CPPED1: variants seen among roughly 807,000 people sequenced by gnomAD.
CPPED1 encodes the protein serine/threonine-protein phosphatase CPPED1.
Under a neutral mutation model 28.0 loss-of-function variants are expected in CPPED1, and 28 were observed. That is an observed-to-expected ratio of 1.00 (90% CI 0.74 to 1.37). CPPED1 has a LOEUF of 1.37. CPPED1 is among the 40% of genes most tolerant of loss of function. The probability of loss-of-function intolerance (pLI) is 0.00; values close to 1 mark genes in which losing one functional copy is unlikely to be tolerated. For synonymous variants in CPPED1, 198 were observed against 180.2 expected (o/e 1.10, Z -0.79); for missense variants, 504 against 416.5 (o/e 1.21, Z -1.83).
In CPPED1 at chr16:12,664,895, C is replaced by G. The variant is rs776101804; in HGVS notation, c.936G>C (p.Lys312Asn). The G allele has an allele frequency of 2.5e-6, 4 of 1,604,728 alleles. No homozygotes were observed. Among genetic ancestry groups the G allele is most frequent in the Non-Finnish European group, 3.4e-6 (4 of 1,176,970 alleles). ...GIEDDLMDLIKKK is the reference protein window; with the variant it reads ...GIEDDLMDLINKK ...GGAACGGGAAGGAGCGTCATTTTTT[C>G]TTGATCAAATCCATGAGATCGTCTT... The change falls in exon 4 of 4, where the codon AAG (lysine) becomes AAC (asparagine). Residue 312 changes from lysine (K) to asparagine (N), a missense_variant. Lys to Asn is a moderately conservative substitution (Grantham distance 94, BLOSUM62 0). Coordinates refer to ENST00000381774, the MANE Select transcript of CPPED1 (RefSeq NM_018340.3). This position sits in a 1 kb window ranked among gnomAD's most constrained non-coding sequence, Gnocchi z 4.2.
chr16:12,666,091 G>C (rs1442038137), intron 3 of CPPED1, among the ~76,000 whole-genome samples: 2 of 152,066 alleles, frequency 1.3e-5, no homozygotes, highest in South Asian at 2.1e-4. Flanking sequence ...ACTCCAGCCT[G>C]GGCGACAAGA....
At chr16:12,794,202 T>C (rs980448953) in intron 1 of CPPED1, among the ~76,000 whole-genome samples, 2 of 134,192 alleles carry the variant, frequency 1.5e-5, no homozygotes, top group African/African-American at 7.5e-5. Context: ...TTGGGGGTCT[T>C]TGGGGGCAGT....
At chr16:12,681,767 A>AG (rs557027102) in intron 3 of CPPED1, among the ~76,000 whole-genome samples, 1 of 152,196 alleles carries the variant, frequency 6.6e-6, no homozygotes, top group East Asian at 1.9e-4. Flanking sequence ...GAGGCAGCTG[A>AG]GGGGGGCCCA....
intron 2 of CPPED1, among the ~76,000 whole-genome samples, chr16:12,763,725 A>T (rs1273380562): frequency 6.6e-6 from 1 of 152,196 alleles, no homozygotes; most frequent in African/African-American, 2.4e-5. Context: ...GCCATCTGAC[A>T]TCACAGGCCA....
chr16:12,681,169 GC>G (rs1168524516), intron 3 of CPPED1, among the ~76,000 whole-genome samples: 1 of 135,796 alleles, frequency 7.4e-6, no homozygotes, highest in East Asian at 2.1e-4. Flanking sequence ...ATTTCAATGT[GC>G]CCCCCAACGT....
chr16:12,727,427 A>G (rs975500353), intron 2 of CPPED1, among the ~76,000 whole-genome samples: 3 of 152,018 alleles, frequency 2.0e-5, no homozygotes, highest in Admixed American at 6.6e-5. Context: ...ACCATAATTC[A>G]CTACAGACTC....
intron 3 of CPPED1, among the ~76,000 whole-genome samples, chr16:12,696,103 G>A (rs903405679): frequency 3.2e-4 from 49 of 152,122 alleles, no homozygotes; most frequent in African/African-American, 1.1e-3. Context: ...CTATCTTCCC[G>A]CATATCCCAG....
intron 2 of CPPED1, among the ~76,000 whole-genome samples, chr16:12,714,989 G>T (rs927858679): frequency 6.6e-6 from 1 of 151,770 alleles, no homozygotes; most frequent in Non-Finnish European, 1.5e-5. Context: ...GTGAGGTAGG[G>T]GTCCAAATTC....
At chr16:12,791,845 G>C (rs549746009) in intron 1 of CPPED1, among the ~76,000 whole-genome samples, 1 of 152,286 alleles carries the variant, frequency 6.6e-6, no homozygotes, top group East Asian at 1.9e-4. Context: ...GCACGTGGCA[G>C]GCATCAGTCA....
At chr16:12,691,293 C>T (rs2079961473) in intron 3 of CPPED1, among the ~76,000 whole-genome samples, 1 of 152,104 alleles carries the variant, frequency 6.6e-6, no homozygotes, top group Admixed American at 6.5e-5. Context: ...TTCTTTCTTT[C>T]TTTTTTTGAG....
At chr16:12,731,901 G>A (rs1015284635) in intron 2 of CPPED1, among the ~76,000 whole-genome samples, 7 of 151,698 alleles carry the variant, frequency 4.6e-5, no homozygotes, top group Admixed American at 3.9e-4. Context: ...GGTGGCTCAC[G>A]CTTGTAATAC....
intron 2 of CPPED1, chr16:12,745,832 G>A (rs552081323): frequency 1.4e-4 from 22 of 152,156 alleles, no homozygotes; most frequent in Non-Finnish European, 2.6e-4. Context: ...ACCTTCACAT[G>A]TATCCCTAAA....
intron 1 of CPPED1, among the ~76,000 whole-genome samples, chr16:12,802,098 A>G (rs2080663519): frequency 6.6e-6 from 1 of 152,186 alleles, no homozygotes; most frequent in South Asian, 2.1e-4. Flanking sequence ...AAGGAAAACC[A>G]AAAGGCAAGG....
chr16:12,702,705 A>C (rs1475644375), intron 3 of CPPED1, among the ~76,000 whole-genome samples: 1 of 152,094 alleles, frequency 6.6e-6, no homozygotes, highest in Non-Finnish European at 1.5e-5. Context: ...ACATCATCTA[A>C]CATTAGATCT....
intron 2 of CPPED1, among the ~76,000 whole-genome samples, chr16:12,740,418 C>G (rs2080248982): frequency 6.7e-6 from 1 of 149,828 alleles, no homozygotes; most frequent in African/African-American, 2.5e-5. Flanking sequence ...GCACACCAAC[C>G]TGGGCAACAG....
chr16:12,770,293 T>C (rs1006037733), intron 2 of CPPED1, among the ~76,000 whole-genome samples: 12 of 152,116 alleles, frequency 7.9e-5, no homozygotes, highest in African/African-American at 2.7e-4. Context: ...CCTAAAGAAA[T>C]ACTTACCTGA....
At chr16:12,792,176 C>T (rs572159662) in intron 1 of CPPED1, among the ~76,000 whole-genome samples, 1 of 152,136 alleles carries the variant, frequency 6.6e-6, no homozygotes, top group Non-Finnish European at 1.5e-5. Flanking sequence ...TGGTCTCAAA[C>T]TCCTGACTTC....
intron 3 of CPPED1, among the ~76,000 whole-genome samples, chr16:12,703,681 CAAAAA>C (rs11334902): frequency 1.4e-4 from 14 of 97,306 alleles, no homozygotes; most frequent in African/African-American, 4.6e-4. Flanking sequence ...GACTTTGTCT[CAAAAA>C]AAAAAAAAAA....
At chr16:12,767,000 C>A (rs1033228597) in intron 2 of CPPED1, among the ~76,000 whole-genome samples, 1 of 125,638 alleles carries the variant, frequency 8.0e-6, no homozygotes, top group African/African-American at 3.2e-5. Flanking sequence ...CTCAGAGGTC[C>A]TCATTTTTTT....
Sources: gnomAD v4.1 joint callset for allele counts (sites outside exome capture counted in the v4.1 genomes callset) on GRCh38, gnomAD v4.1.1 for gene constraint, Gnocchi (gnomAD v3.1) non-coding constraint, MANE v1.5 for transcripts, NCBI Gene and HGNC (gene_info 2026-07-23, HGNC 2026-07-21) for gene names.